PLCE1: variants seen among roughly 807,000 people sequenced by gnomAD.
The protein encoded by PLCE1 is 1-phosphatidylinositol 4,5-bisphosphate phosphodiesterase epsilon-1.
In PLCE1, 119 loss-of-function variants were observed where a neutral mutation model predicts 242.8. The ratio of observed to expected loss-of-function variants is 0.49; its 90% CI spans 0.42 to 0.57. The LOEUF (loss-of-function observed/expected upper bound fraction) is 0.57. PLCE1 is among the 20% of genes least tolerant of loss of function. The probability of loss-of-function intolerance (pLI) is 0.00; values close to 1 mark genes in which losing one functional copy is unlikely to be tolerated. For synonymous variants in PLCE1, 945 were observed against 1,017.4 expected (o/e 0.93, Z 1.35); for missense variants, 2,441 against 2,788.8 (o/e 0.88, Z 2.81).
intron 4 of PLCE1, among the ~76,000 whole-genome samples, chr10:94,205,802 A>G (rs1198363751): frequency 2.6e-5 from 4 of 152,214 alleles, no homozygotes; most frequent in African/African-American, 9.7e-5. Context: ...GGATAATTGG[A>G]AGTGAACTCT....
intron 4 of PLCE1, among the ~76,000 whole-genome samples, chr10:94,175,824 G>A: frequency 6.6e-6 from 1 of 152,090 alleles, no homozygotes. Context: ...ACACACAGAG[G>A]TTATCTTTCT....
At position 94,254,266 on chromosome 10, in the gene PLCE1, G is replaced by A. The variant is rs752045984; in HGVS notation, c.3356G>A (p.Ser1119Asn). Residue 1119 changes from serine to asparagine, a missense_variant, in exon 10 of 33, where the codon AGT becomes AAT. Transcript: ENST00000371380. ...AKMHKECRSR[S>N]GSDPQDINEQ... ...ATGCACAAAGAGTGTCGAAGCCGGA[G>A]TGGTTCTGATCCTCAAGACATTAAT... 2 of 1,614,020 alleles carry A rather than the reference G, an allele frequency of 1.2e-6. No individual in the cohort carries two copies. The highest frequency in any genetic ancestry group is 8.5e-7 in the Non-Finnish European group (1 of 1,179,902).
intron 27 of PLCE1, among the ~76,000 whole-genome samples, chr10:94,309,972 G>C (rs540292108): frequency 2.6e-5 from 4 of 152,330 alleles, no homozygotes; most frequent in African/African-American, 9.6e-5. Context: ...GCTACAGTGA[G>C]CTATGATCAC....
intron 4 of PLCE1, among the ~76,000 whole-genome samples, chr10:94,201,941 A>T (rs572568048): frequency 7.9e-5 from 12 of 152,324 alleles, no homozygotes; most frequent in African/African-American, 2.9e-4. Flanking sequence ...ATGGAAAATG[A>T]ATTGGTAAAA....
At position 94,298,476 on chromosome 10, in the gene PLCE1, T is replaced by C. The variant is rs1266991873; in HGVS notation, c.5265T>C (p.Tyr1755=). The C allele has an allele frequency of 1.2e-6, 2 of 1,614,018 alleles. No homozygotes were observed. Among genetic ancestry groups the C allele is most frequent in the African/African-American group, 1.3e-5 (1 of 74,928 alleles). ...LSAIIRTPKC[Y]HISSLNENAA... ...CTATCATTAGAACTCCCAAATGTTA[T>C]CATATCTCGTCGCTGAATGAAAATG... The change falls in exon 24 of 33, where the codon TAT becomes TAC. Residue 1755 remains tyrosine (Y), a synonymous_variant. Coordinates refer to ENST00000371380, the MANE Select transcript of PLCE1 (RefSeq NM_016341.4). This position sits in a 1 kb window ranked among gnomAD's most constrained non-coding sequence, Gnocchi z 5.2.
chr10:94,076,009 G>A (rs1235241203), intron 2 of PLCE1, among the ~76,000 whole-genome samples: 1 of 152,158 alleles, frequency 6.6e-6, no homozygotes. Context: ...GAGAGGAAAT[G>A]GCACCTTGGA....
intron 2 of PLCE1, among the ~76,000 whole-genome samples, chr10:94,086,230 C>G (rs2044821485): frequency 6.6e-6 from 1 of 152,186 alleles, no homozygotes; most frequent in Non-Finnish European, 1.5e-5. Flanking sequence ...ATTTTTGGAG[C>G]TGCCCTTTAG....
intron 3 of PLCE1, among the ~76,000 whole-genome samples, chr10:94,148,479 C>T (rs2047180768): frequency 6.6e-6 from 1 of 152,170 alleles, no homozygotes; most frequent in Admixed American, 6.5e-5. Flanking sequence ...TCACACCTGG[C>T]CCTTATCACT....
At chr10:94,247,364 C>G (rs1481572543) in intron 8 of PLCE1, among the ~76,000 whole-genome samples, 5 of 150,664 alleles carry the variant, frequency 3.3e-5, no homozygotes, top group Non-Finnish European at 7.4e-5. Flanking sequence ...TAAAAATAGT[C>G]CCAGGATCAT....
chr10:94,212,135 C>A (rs2049354580), intron 4 of PLCE1, among the ~76,000 whole-genome samples: 1 of 152,182 alleles, frequency 6.6e-6, no homozygotes, highest in South Asian at 2.1e-4. Context: ...GGCTGGAGTG[C>A]AAGTGCAGTG....
intron 2 of PLCE1, among the ~76,000 whole-genome samples, chr10:94,049,914 G>T (rs1222979566): frequency 1.3e-5 from 2 of 152,252 alleles, no homozygotes; most frequent in African/African-American, 4.8e-5. Context: ...ATATCTGTAA[G>T]ATTCATCCAT....
At chr10:94,159,258 G>T (rs557709905) in intron 3 of PLCE1, among the ~76,000 whole-genome samples, 1 of 152,106 alleles carries the variant, frequency 6.6e-6, no homozygotes, top group East Asian at 1.9e-4. Context: ...TAATGTTCAG[G>T]ACAAGCCAGA....
chr10:94,277,676 T>A (rs1360128980), intron 19 of PLCE1, among the ~76,000 whole-genome samples: 1 of 152,182 alleles, frequency 6.6e-6, no homozygotes, highest in East Asian at 1.9e-4. Context: ...CCTTCTCTTA[T>A]CAGCGATAAA....
chr10:94,076,783 C>T (rs139066353), intron 2 of PLCE1, among the ~76,000 whole-genome samples: 46 of 152,308 alleles, frequency 3.0e-4, no homozygotes, highest in Admixed American at 7.2e-4. Context: ...CCCATGAGCT[C>T]TGCTGGACAC....
chr10:94,133,157 A>G (rs137961885), intron 3 of PLCE1, among the ~76,000 whole-genome samples: 1 of 152,302 alleles, frequency 6.6e-6, no homozygotes, highest in African/African-American at 2.4e-5. Context: ...TTGGGAGCAG[A>G]GTGAAATATA....
chr10:94,280,441 A>C (rs1012635637), intron 20 of PLCE1: 2 of 159,310 alleles, frequency 1.3e-5, no homozygotes, highest in Non-Finnish European at 2.8e-5. Flanking sequence ...GAAAAAACAT[A>C]GGCAATGCTA....
chr10:94,325,197 CA>C, intron 32 of PLCE1, 93 bp downstream of exon 32: 1 of 929,528 alleles, frequency 1.1e-6, no homozygotes, highest in Non-Finnish European at 1.7e-6. Context: ...TTATCTTTTC[CA>C]ACAGGAGGAT....
chr10:94,297,356 A>G (rs938339279), intron 23 of PLCE1, among the ~76,000 whole-genome samples: 2 of 152,114 alleles, frequency 1.3e-5, no homozygotes, highest in African/African-American at 2.4e-5. Flanking sequence ...ACATTTGTCA[A>G]TTAAGTTTAC....
chr10:94,291,150 T>C (rs1181134218), intron 22 of PLCE1, among the ~76,000 whole-genome samples: 3 of 152,196 alleles, frequency 2.0e-5, no homozygotes, highest in Non-Finnish European at 4.4e-5. Context: ...TTCTTTTTTT[T>C]TAAGTAATTC....
Sources: gnomAD v4.1 joint callset for allele counts (sites outside exome capture counted in the v4.1 genomes callset) on GRCh38, gnomAD v4.1.1 for gene constraint, Gnocchi (gnomAD v3.1) non-coding constraint, MANE v1.5 for transcripts, NCBI Gene and HGNC (gene_info 2026-07-23, HGNC 2026-07-21) for gene names.